Variants in LRRC25 observed in about 807,000 individuals in gnomAD.
The protein encoded by LRRC25 is leucine rich repeat containing 25.
Under a neutral mutation model 18.8 loss-of-function variants are expected in LRRC25, and 5 were observed. The ratio of observed to expected loss-of-function variants is 0.27; its 90% CI spans 0.14 to 0.56. The LOEUF is 0.56. Ranked by LOEUF, LRRC25 falls within the 20% of genes least tolerant of loss-of-function variation. LRRC25 has a pLI of 0.93. For missense variants in LRRC25, 341 were observed against 389.8 expected, an observed-to-expected ratio of 0.87 and a Z score of 1.05; for synonymous variants, 161 against 176.8, an observed-to-expected ratio of 0.91 and a Z score of 0.71.
chr19:18,396,744 G>T lies in LRRC25; in HGVS notation c.220C>A (p.Arg74=). ...ILLDLSGNGL[R]ELPVTFFAHL... The stretch of plus-strand genomic sequence containing the variant: ...GCAAAGAAGGTCACTGGAAGCTCTC[G>T]CAGGCCGTTCCCAGACAGGTCAAGG... The change falls in exon 1 of 2, where the codon CGA becomes AGA. Residue 74 remains arginine (R), a synonymous_variant. Coordinates refer to ENST00000339007, the MANE Select transcript of LRRC25 (RefSeq NM_145256.3). 1 of 1,614,142 alleles carries T rather than the reference G, an allele frequency of 6.2e-7. No homozygotes were observed. The highest frequency in any genetic ancestry group is 1.1e-5 in the South Asian group (1 of 91,080).
At position 18,396,584 on chromosome 19, in the gene LRRC25, CG is replaced by C. The variant is rs1971972759; in HGVS notation, c.379del (p.Arg127AlafsTer75). 1 of 1,613,728 alleles carries C rather than the reference CG, an allele frequency of 6.2e-7. No homozygotes were observed. Among genetic ancestry groups the C allele is most frequent in the South Asian group, 1.1e-5 (1 of 91,090 alleles). On this transcript the variant is annotated frameshift_variant, in exon 1 of 2. Coordinates refer to ENST00000339007, the MANE Select transcript of LRRC25 (RefSeq NM_145256.3). LOFTEE classifies it high-confidence loss of function. ...CTTCTGGCCAGAGCAGTTGTCTCGG[CG>C]GATGTCGTGCCAGGACTCCAGGGCA... ...NCALESWHDI[R>X]RDNCSGQKPL... is the part of the protein sequence containing the mutation.
Position 18,396,194 on chromosome 19 carries a change from T to A in LRRC25, c.770A>T (p.Asp257Val). Residue 257 changes from aspartate (D) to valine (V), a missense_variant, in exon 1 of 2, where the codon GAT becomes GTT. Coordinates refer to ENST00000339007, the MANE Select transcript of LRRC25 (RefSeq NM_145256.3). ...TCAGTGGCTTACTTACCCTTGTTCATCCCACTGGTGCTCGGCTGCTGGCTG... is the reference window on the plus strand; with the variant it reads ...TCAGTGGCTTACTTACCCTTGTTCAACCCACTGGTGCTCGGCTGCTGGCTG... ...VGQPAAEHQWDEQGAHPSEDN... is the reference protein window; with the variant it reads ...VGQPAAEHQWVEQGAHPSEDN... 6.3e-7 allele frequency: 1 copy of A among 1,597,574 alleles called. No homozygotes were observed. The highest frequency in any genetic ancestry group is 8.6e-7 in the Non-Finnish European group (1 of 1,168,186).
chr19:18,392,743 A>C (rs921024008), intron 1 of LRRC25, among the ~76,000 whole-genome samples: 4 of 152,136 alleles, frequency 2.6e-5, no homozygotes, highest in Non-Finnish European at 4.4e-5. Flanking sequence ...TAATCCCAGC[A>C]CTTTGGGAGG....
chr19:18,397,407 G>GT lies in LRRC25; in HGVS notation c.-445dup, dbSNP rs1306801526. 2 of 193,960 alleles carry GT rather than the reference G, an allele frequency of 1.0e-5. No individual in the cohort carries two copies. The highest frequency in any genetic ancestry group is 1.0e-4 in the Admixed American group (2 of 19,050). 12.0% of individuals were successfully genotyped at this position (193,960 alleles called of 1,614,324 possible). On this transcript the variant is annotated 5_prime_UTR_variant, in exon 1 of 2. Coordinates refer to ENST00000339007, the MANE Select transcript of LRRC25 (RefSeq NM_145256.3). ...TGCTGAAAGGGTCCTCCCAGGTCTG[G>GT]TTTGCAGTCCCTGCACAGGTGCAAG...
rs1388829080 is a variant in LRRC25, at chr19:18,396,907, G to C, written c.57C>G (p.Asp19Glu). Residue 19 changes from aspartate (D) to glutamate (E), a missense_variant, in exon 1 of 2, where the codon GAC (aspartate) becomes GAG (glutamate). Coordinates refer to ENST00000339007, the MANE Select transcript of LRRC25 (RefSeq NM_145256.3). ...LLLPLLLRESDSLEPSCTVSS... is the reference protein window; with the variant it reads ...LLLPLLLRESESLEPSCTVSS... Reference sequence around the variant, plus strand: ...ACACGGTGCACGACGGTTCTAGGCTGTCTGACTCCCGCAGCAGCAGCGGCA... The same window carrying C: ...ACACGGTGCACGACGGTTCTAGGCTCTCTGACTCCCGCAGCAGCAGCGGCA... 1 of 1,612,498 alleles carries C rather than the reference G, an allele frequency of 6.2e-7. No homozygotes were observed. The highest frequency in any genetic ancestry group is 1.7e-5 in the Admixed American group (1 of 60,006).
intron 1 of LRRC25, among the ~76,000 whole-genome samples, chr19:18,392,779 C>T (rs1043139034): frequency 2.0e-5 from 3 of 152,088 alleles, no homozygotes; most frequent in Admixed American, 2.0e-4. Context: ...TGCTTGAGGC[C>T]AGGAGTTTGA....
In LRRC25 at chr19:18,392,084, T is replaced by C. The variant is rs575564226; in HGVS notation, c.821A>G (p.Lys274Arg). ...SEDNDFYINY[K>R]DIDLASQPVY... is the part of the protein sequence containing the mutation. Reference sequence around the variant, plus strand: ...AGGCTGGGAAGCCAGGTCGATGTCCTTGTAGTTGATGTAAAAGTCATTGTC... The same window carrying C: ...AGGCTGGGAAGCCAGGTCGATGTCCCTGTAGTTGATGTAAAAGTCATTGTC... The change falls in exon 2 of 2, where the codon AAG (lysine) becomes AGG (arginine). Residue 274 changes from lysine to arginine, a missense_variant. By Grantham distance (26) the Lys-to-Arg change is conservative. Transcript: ENST00000339007. 6.2e-7 allele frequency: 1 copy of C among 1,614,078 alleles called. No individual in the cohort carries two copies. The highest frequency in any genetic ancestry group is 1.1e-5 in the South Asian group (1 of 91,076).
At chr19:18,393,351 G>A (rs888558678) in intron 1 of LRRC25, among the ~76,000 whole-genome samples, 8 of 152,154 alleles carry the variant, frequency 5.3e-5, no homozygotes, top group African/African-American at 1.4e-4. Context: ...GGCCAGGTGC[G>A]GTGGCTCACG....
chr19:18,391,817 C>A lies in LRRC25; in HGVS notation c.*170G>T. 3 of 687,414 alleles carry A rather than the reference C, an allele frequency of 4.4e-6. No homozygotes were observed. Among genetic ancestry groups the A allele is most frequent in the East Asian group, 2.9e-5 (1 of 34,698 alleles). The allele number at this position is 687,414 out of a possible 1,614,324, so 42.6% of individuals were successfully genotyped here. A position where few individuals can be genotyped will look rare whatever the true frequency, so the allele number is the denominator to read the frequency against. ...TCTAGGAGCTGAGGGAGCTGAGGAG[C>A]GGCATGAGGGACAGGGAGGGGGCGG... is the stretch of plus-strand genomic sequence containing the variant. On this transcript the variant is annotated 3_prime_UTR_variant, in exon 2 of 2. Coordinates refer to ENST00000339007, the MANE Select transcript of LRRC25 (RefSeq NM_145256.3).
rs1228626932 is a variant in LRRC25, at chr19:18,396,209, G to A, written c.755C>T (p.Ala252Val). The change falls in exon 1 of 2, where the codon GCC (alanine) becomes GTC (valine). Residue 252 changes from alanine (A) to valine (V), a missense_variant. By Grantham distance (64) the Ala-to-Val change is moderately conservative (BLOSUM62 0). Coordinates refer to ENST00000339007, the MANE Select transcript of LRRC25 (RefSeq NM_145256.3). ...YENMFVGQPA[A>V]EHQWDEQGAH... ...CCCTTGTTCATCCCACTGGTGCTCGGCTGCTGGCTGGCCCACAAACATGTT... is the reference window on the plus strand; with the variant it reads ...CCCTTGTTCATCCCACTGGTGCTCGACTGCTGGCTGGCCCACAAACATGTT... The A allele has an allele frequency of 6.2e-7, 1 of 1,604,446 alleles. No individual in the cohort carries two copies. Among genetic ancestry groups the A allele is most frequent in the Non-Finnish European group, 8.5e-7 (1 of 1,172,708 alleles).
chr19:18,391,962 G>A lies in LRRC25; in HGVS notation c.*25C>T. Reference sequence around the variant, plus strand: ...ACCCAGCAGGGACTGAAGGGGTTCTGGGTGGAGGTTAGGACATCTTAGGCT... The same window carrying A: ...ACCCAGCAGGGACTGAAGGGGTTCTAGGTGGAGGTTAGGACATCTTAGGCT... On this transcript the variant is annotated 3_prime_UTR_variant, in exon 2 of 2. Coordinates refer to ENST00000339007, the MANE Select transcript of LRRC25 (RefSeq NM_145256.3). 6.2e-7 allele frequency: 1 copy of A among 1,608,898 alleles called. No individual in the cohort carries two copies. Among genetic ancestry groups the A allele is most frequent in the South Asian group, 1.1e-5 (1 of 90,726 alleles).
chr19:18,397,052 T>C lies in LRRC25; in HGVS notation c.-89A>G. 6 of 1,361,228 alleles carry C rather than the reference T, an allele frequency of 4.4e-6. No individual in the cohort carries two copies. Among genetic ancestry groups the C allele is most frequent in the Non-Finnish European group, 6.0e-6 (6 of 1,007,316 alleles). 84.3% of individuals were successfully genotyped at this position (1,361,228 alleles called of 1,614,324 possible). On this transcript the variant is annotated 5_prime_UTR_variant, in exon 1 of 2. Transcript: ENST00000339007. ...CCTCCACCGCCAGTGTTTATTATTA[T>C]AGCTCAGACCAGCTCAAGCCGCTTC...
chr19:18,392,213 C>T (rs770169570), intron 1 of LRRC25, 88 bp from the exon 2 acceptor site: 236 of 1,395,626 alleles, frequency 1.7e-4, no homozygotes, highest in Non-Finnish European at 2.2e-4. Context: ...CCAGAGTGGG[C>T]CAGGTGCTCT....
chr19:18,392,566 G>A (rs754646792), intron 1 of LRRC25, among the ~76,000 whole-genome samples: 14 of 152,044 alleles, frequency 9.2e-5, no homozygotes, highest in Non-Finnish European at 1.6e-4. Flanking sequence ...AAACTGGCAC[G>A]GGCTAGCGTT....
chr19:18,392,250 G>C, intron 1 of LRRC25, 125 bp from the exon 2 acceptor site: 12 of 949,936 alleles, frequency 1.3e-5, no homozygotes, highest in Non-Finnish European at 2.0e-5. Flanking sequence ...CCAGCACTTT[G>C]GGAGGCTGAG....
rs1971901578 is a variant in LRRC25 at position 18,391,752 on chromosome 19, A to G, written c.*235T>C. ...GGGTGATGACAGGATTGGCACAGTG[A>G]CCGTCCTGTCCCCTTGTTGGGGGTC... is the stretch of plus-strand genomic sequence containing the variant. On this transcript the variant is annotated 3_prime_UTR_variant, in exon 2 of 2. Coordinates refer to ENST00000339007, the MANE Select transcript of LRRC25 (RefSeq NM_145256.3). 2 of 473,184 alleles carry G rather than the reference A, an allele frequency of 4.2e-6. No individual in the cohort carries two copies. Among genetic ancestry groups the G allele is most frequent in the Non-Finnish European group, 7.8e-6 (2 of 256,766 alleles). 29.3% of individuals were successfully genotyped at this position (473,184 alleles called of 1,614,324 possible). A position where few individuals can be genotyped will look rare whatever the true frequency, so the allele number is the denominator to read the frequency against.
At position 18,396,852 on chromosome 19, in the gene LRRC25, A is replaced by C. The variant is rs1339320529; in HGVS notation, c.112T>G (p.Phe38Val). 2 of 1,613,362 alleles carry C rather than the reference A, an allele frequency of 1.2e-6. No homozygotes were observed. Among genetic ancestry groups the C allele is most frequent in the Non-Finnish European group, 1.7e-6 (2 of 1,179,934 alleles). ...CTGAAATTCAGGCACGTGGCACTGAACTCCGCGTTCCAGTCCACATCCGCG... is the reference window on the plus strand; with the variant it reads ...CTGAAATTCAGGCACGTGGCACTGACCTCCGCGTTCCAGTCCACATCCGCG... ...SSADVDWNAE[F>V]SATCLNFSGL... The change falls in exon 1 of 2, where the codon TTC becomes GTC. Residue 38 changes from phenylalanine to valine, a missense_variant. Coordinates refer to ENST00000339007, the MANE Select transcript of LRRC25 (RefSeq NM_145256.3).
intron 1 of LRRC25, 47 bp from the exon 2 acceptor site, chr19:18,392,172 CAG>C: frequency 1.9e-6 from 3 of 1,594,156 alleles, no homozygotes; most frequent in Non-Finnish European, 2.6e-6. Flanking sequence ...GGGGAGGACT[CAG>C]GGGACAGGCA....
Position 18,396,441 on chromosome 19 carries a change from GGCA to G in LRRC25, c.520_522del (p.Cys174del). The G allele has an allele frequency of 6.2e-7, 1 of 1,613,470 alleles. No individual in the cohort carries two copies. Among genetic ancestry groups the G allele is most frequent in the Non-Finnish European group, 8.5e-7 (1 of 1,180,032 alleles). ...CCAGCGATGGCAAGTCCAAGAAGCA[GGCA>G]CCCGCTGACCACCACTGCCCCGATA... On this transcript the variant is annotated inframe_deletion, in exon 1 of 2. Transcript: ENST00000339007.
Sources: allele counts gnomAD v4.1 joint callset (sites outside exome capture counted in the v4.1 genomes callset), GRCh38; gene constraint gnomAD v4.1.1; transcripts MANE v1.5; gene names NCBI Gene and HGNC (gene_info 2026-07-23, HGNC 2026-07-21).